The following PDGFRA variants were observed in gnomAD, a reference collection of about 807,000 sequenced individuals.
The protein encoded by PDGFRA is platelet derived growth factor receptor alpha, also known as platelet-derived growth factor receptor alpha.
Under a neutral mutation model 121.5 loss-of-function variants are expected in PDGFRA, and 25 were observed. That is an observed-to-expected ratio of 0.21 (90% CI 0.15 to 0.29). PDGFRA has a LOEUF of 0.29. PDGFRA is among the 10% of genes least tolerant of loss of function. The pLI is 1.00. For missense variants in PDGFRA, 1,008 were observed against 1,345.1 expected (o/e 0.75, Z 3.92); for synonymous variants, 463 against 494.8 (o/e 0.94, Z 0.85).
intron 1 of PDGFRA, among the ~76,000 whole-genome samples, chr4:54,235,990 G>A (rs1032167729): frequency 2.0e-5 from 3 of 152,204 alleles, no homozygotes; most frequent in Non-Finnish European, 4.4e-5. Context: ...GAAAGCATAA[G>A]AAGGCCAAGA....
chr4:54,255,751 C>T (rs1236669342), intron 1 of PDGFRA, among the ~76,000 whole-genome samples: 3 of 151,966 alleles, frequency 2.0e-5, no homozygotes, highest in Admixed American at 6.6e-5. Flanking sequence ...ATGATCTGCC[C>T]GCCTCAGCCT....
intron 1 of PDGFRA, among the ~76,000 whole-genome samples, chr4:54,248,248 G>T (rs1025549899): frequency 2.0e-5 from 3 of 152,132 alleles, no homozygotes; most frequent in Non-Finnish European, 2.9e-5. Flanking sequence ...AAAAGAGCCC[G>T]CATCGCCAAG....
intron 1 of PDGFRA, among the ~76,000 whole-genome samples, chr4:54,245,741 A>G (rs1423078405): frequency 1.3e-5 from 2 of 152,170 alleles, no homozygotes; most frequent in Non-Finnish European, 2.9e-5. Flanking sequence ...AATGGACTAA[A>G]TGCTTCAATC....
At chr4:54,246,824 A>G (rs1721699949) in intron 1 of PDGFRA, among the ~76,000 whole-genome samples, 1 of 151,680 alleles carries the variant, frequency 6.6e-6, no homozygotes. Flanking sequence ...TGCTAGCAAG[A>G]CTAATAAAGA....
rs1724902491 is a variant in PDGFRA at position 54,296,778 on chromosome 4, G to A, written c.*1506G>A. ...CAAATAATTTGAACTTTGGAACAGG[G>A]TTGGCATTCAACCACGCAGGAAGCC... is the stretch of plus-strand genomic sequence containing the variant. On this transcript the variant is annotated 3_prime_UTR_variant, in exon 23 of 23. Coordinates refer to ENST00000257290, the MANE Select transcript of PDGFRA (RefSeq NM_006206.6). The A allele has an allele frequency of 4.3e-6, 1 of 233,132 alleles. No individual in the cohort carries two copies. The highest frequency in any genetic ancestry group is 6.0e-5 in the East Asian group (1 of 16,552). 14.4% of individuals were successfully genotyped at this position (233,132 alleles called of 1,614,324 possible).
chr4:54,286,851 G>T lies in PDGFRA; in HGVS notation c.2563-579G>T, dbSNP rs80062612. On this transcript the variant is annotated intron_variant, in intron 18 of 22. Transcript: ENST00000257290. ...AAGATACTCATTTTGTTGTCTACTT[G>T]AACCATTCTTCCCATCCCTTCCACT... is the stretch of plus-strand genomic sequence containing the variant. Among the ~76,000 whole-genome samples, 485 of 152,286 alleles carry T rather than the reference G, an allele frequency of 3.2e-3. 2 individuals are homozygous for T. The highest frequency in any genetic ancestry group is 5.8e-3 in the Admixed American group (88 of 15,300).
intron 1 of PDGFRA, among the ~76,000 whole-genome samples, chr4:54,233,062 C>G (rs988664346): frequency 2.0e-5 from 3 of 152,050 alleles, no homozygotes; most frequent in Non-Finnish European, 2.9e-5. Flanking sequence ...CCGCTCTCCC[C>G]CCTCTCTCCA....
At chr4:54,244,893 GC>G (rs1721539521) in intron 1 of PDGFRA, among the ~76,000 whole-genome samples, 1 of 152,212 alleles carries the variant, frequency 6.6e-6, no homozygotes, top group Non-Finnish European at 1.5e-5. Flanking sequence ...GGAGCTGAAA[GC>G]CAAGGCTCAA....
intron 1 of PDGFRA, among the ~76,000 whole-genome samples, chr4:54,248,279 C>G (rs560880362): frequency 6.6e-6 from 1 of 152,308 alleles, no homozygotes; most frequent in East Asian, 1.9e-4. Flanking sequence ...GCCAAAAGAA[C>G]AAAGCTGGAG....
intron 2 of PDGFRA, 71 bp downstream of exon 2, chr4:54,258,888 TTTA>T: frequency 8.2e-7 from 1 of 1,215,626 alleles, no homozygotes; most frequent in Non-Finnish European, 1.2e-6. Flanking sequence ...GCTGCATGGG[TTTA>T]TTACCAGTAC....
chr4:54,261,931 AT>A (rs34880395), intron 3 of PDGFRA, among the ~76,000 whole-genome samples: 13 of 58,420 alleles, frequency 2.2e-4, no homozygotes, highest in African/African-American at 4.0e-4. Flanking sequence ...ATATATATAT[AT>A]TTTTTTTTTT....
Position 54,242,464 on chromosome 4 carries a change from G to A in PDGFRA, c.-13+13049G>A, listed in dbSNP as rs1225784655. Among the ~76,000 whole-genome samples, 3 of 151,604 alleles carry A rather than the reference G, an allele frequency of 2.0e-5. No individual in the cohort carries two copies. In the East Asian group the frequency reaches 5.8e-4, roughly 29 times the overall value. Reference sequence around the variant, plus strand: ...GTCCTGGCTAGAGTCTGGTATTAAGGGATTTAAAAGGATTTTTTAAAGGAC... The same window carrying A: ...GTCCTGGCTAGAGTCTGGTATTAAGAGATTTAAAAGGATTTTTTAAAGGAC... On this transcript the variant is annotated intron_variant, in intron 1 of 22. Transcript: ENST00000257290.
chr4:54,266,383 G>GTATT (rs1483351461), intron 5 of PDGFRA, among the ~76,000 whole-genome samples: 1 of 149,912 alleles, frequency 6.7e-6, no homozygotes, highest in Non-Finnish European at 1.5e-5. Context: ...TTTTTCATTT[G>GTATT]TATTTCTTTC....
In PDGFRA at chr4:54,278,043, A is replaced by ATTTT. The variant is rs1440067983; in HGVS notation, c.2002+37_2002+38insTTTT. 9 of 1,207,140 alleles carry ATTTT rather than the reference A, an allele frequency of 7.5e-6. No individual in the cohort carries two copies. In the Admixed American group the frequency reaches 1.3e-4, roughly 18 times the overall value. The allele number at this position is 1,207,140 out of a possible 1,614,324, so 74.8% of individuals were successfully genotyped here. On this transcript the variant is annotated intron_variant, in intron 14 of 22. Transcript: ENST00000257290. ...GACCTGGAGTGAGGATTTTCACTGG[A>ATTTT]CACATGTGGTTGTGAAAACTGTTCA...
intron 15 of PDGFRA, among the ~76,000 whole-genome samples, chr4:54,279,835 A>C (rs963177900): frequency 1.3e-5 from 2 of 152,080 alleles, no homozygotes; most frequent in Admixed American, 6.6e-5. Context: ...CTTCACTTAG[A>C]ATAATAGTCT....
intron 16 of PDGFRA, among the ~76,000 whole-genome samples, chr4:54,284,425 G>T (rs953813218): frequency 8.5e-5 from 13 of 152,100 alleles, no homozygotes; most frequent in Non-Finnish European, 5.9e-5. Context: ...AAAGAAAAGA[G>T]GTTTCATTGG....
At chr4:54,239,704 A>G (rs561483830) in intron 1 of PDGFRA, among the ~76,000 whole-genome samples, 122 of 152,338 alleles carry the variant, frequency 8.0e-4, no homozygotes, top group African/African-American at 2.6e-3. Flanking sequence ...CCTCTGGCTT[A>G]GCAGCCTGAT....
chr4:54,248,115 A>G (rs1721805075), intron 1 of PDGFRA, among the ~76,000 whole-genome samples: 1 of 152,236 alleles, frequency 6.6e-6, no homozygotes, highest in Admixed American at 6.5e-5. Flanking sequence ...AGGAAGAATC[A>G]ATATCATGAA....
intron 1 of PDGFRA, among the ~76,000 whole-genome samples, chr4:54,240,965 T>G (rs575258179): frequency 7.7e-4 from 118 of 152,336 alleles, no homozygotes; most frequent in Admixed American, 2.6e-3. Context: ...TGTACATTTA[T>G]TATGTTATAT....
Sources: gnomAD v4.1 joint callset for allele counts (sites outside exome capture counted in the v4.1 genomes callset) on GRCh38, gnomAD v4.1.1 for gene constraint, MANE v1.5 for transcripts, NCBI Gene and HGNC (gene_info 2026-07-23, HGNC 2026-07-21) for gene names.